Variants in AIG1 observed in about 807,000 individuals in gnomAD.
The protein encoded by AIG1 is androgen-induced gene 1 protein.
AIG1 carries 23 observed loss-of-function variants against 31.4 expected under a neutral mutation model. That is an observed-to-expected ratio of 0.73 (90% CI 0.53 to 1.04). The LOEUF is 1.04. Among genes scored for constraint, AIG1 ranks in the 50% least tolerant of loss-of-function variants. The pLI is 0.00. For synonymous variants in AIG1, 100 were observed against 110.5 expected (o/e 0.90, Z 0.60); for missense variants, 274 against 295.0 (o/e 0.93, Z 0.52).
chr6:143,153,802 C>T (rs1260248266), intron 2 of AIG1, among the ~76,000 whole-genome samples: 2 of 152,098 alleles, frequency 1.3e-5, no homozygotes, highest in African/African-American at 2.4e-5. Flanking sequence ...TGATTAACCA[C>T]ATTTACTCGC....
intron 3 of AIG1, among the ~76,000 whole-genome samples, chr6:143,247,735 C>T (rs975228954): frequency 1.3e-5 from 2 of 152,202 alleles, no homozygotes; most frequent in Admixed American, 6.5e-5. Flanking sequence ...CTTGCTGGTA[C>T]GTGAGAGAGC....
At chr6:143,180,272 C>T (rs534638943) in intron 3 of AIG1, among the ~76,000 whole-genome samples, 2 of 152,236 alleles carry the variant, frequency 1.3e-5, no homozygotes, top group South Asian at 4.1e-4. Flanking sequence ...TGTGAGGCTG[C>T]AGGATGAGAA....
At chr6:143,086,892 T>C (rs1434097892) in intron 1 of AIG1, among the ~76,000 whole-genome samples, 1 of 152,186 alleles carries the variant, frequency 6.6e-6, no homozygotes, top group East Asian at 1.9e-4. Context: ...TCAGCTGGCT[T>C]ATGCCGGGAG....
At chr6:143,283,595 T>G (rs1164702228) in intron 3 of AIG1, among the ~76,000 whole-genome samples, 1 of 152,262 alleles carries the variant, frequency 6.6e-6, no homozygotes, top group Non-Finnish European at 1.5e-5. Context: ...AAATAAATCT[T>G]AGTATATCCA....
At chr6:143,099,440 A>G (rs1226350089) in intron 1 of AIG1, 1 of 152,196 alleles carries the variant, frequency 6.6e-6, no homozygotes, top group Non-Finnish European at 1.5e-5. Flanking sequence ...AGTATGCATG[A>G]TATGTGCATA....
At chr6:143,219,067 A>G (rs1352704044) in intron 3 of AIG1, among the ~76,000 whole-genome samples, 1 of 152,248 alleles carries the variant, frequency 6.6e-6, no homozygotes, top group Non-Finnish European at 1.5e-5. Context: ...TTTCCAAAAT[A>G]GCAGAACTCA....
At chr6:143,261,486 G>A (rs1795778320) in intron 3 of AIG1, among the ~76,000 whole-genome samples, 1 of 152,164 alleles carries the variant, frequency 6.6e-6, no homozygotes, top group Non-Finnish European at 1.5e-5. Context: ...TGAATTTGGG[G>A]GAGGTGTGTG....
chr6:143,177,402 G>A (rs142064348), intron 3 of AIG1, among the ~76,000 whole-genome samples: 20 of 152,240 alleles, frequency 1.3e-4, no homozygotes, highest in Admixed American at 5.9e-4. Context: ...ATATCCATGC[G>A]TCTGGTGACA....
chr6:143,119,074 A>G (rs1782008881), intron 1 of AIG1, among the ~76,000 whole-genome samples: 1 of 151,994 alleles, frequency 6.6e-6, no homozygotes, highest in Non-Finnish European at 1.5e-5. Flanking sequence ...GAATTTCATC[A>G]TGTTGCCCAG....
intron 1 of AIG1, among the ~76,000 whole-genome samples, chr6:143,126,939 G>C (rs1782734129): frequency 6.6e-6 from 1 of 152,034 alleles, no homozygotes; most frequent in African/African-American, 2.4e-5. Flanking sequence ...TACCTATATA[G>C]TTGGTACTAT....
At chr6:143,104,246 A>G (rs959978581) in intron 1 of AIG1, among the ~76,000 whole-genome samples, 5 of 152,232 alleles carry the variant, frequency 3.3e-5, no homozygotes, top group Non-Finnish European at 7.3e-5. Context: ...TTAAAAATAG[A>G]AACATTGAAA....
chr6:143,193,982 A>G (rs1211286437), intron 3 of AIG1, among the ~76,000 whole-genome samples: 2 of 152,224 alleles, frequency 1.3e-5, no homozygotes, highest in Non-Finnish European at 2.9e-5. Flanking sequence ...TTCAGTATAG[A>G]TGAGAGATAC....
In AIG1 at chr6:143,330,431, C is replaced by T. The variant is rs78023901; in HGVS notation, c.516-2851C>T. Among the ~76,000 whole-genome samples the T allele has an allele frequency of 0.072, 10,904 of 152,066 alleles. 762 individuals are homozygous for T. The highest frequency in any genetic ancestry group is 0.23 in the Admixed American group (3,550 of 15,260). Reference sequence around the variant, plus strand: ...TGTGGGGGTGGTGAGGAGTATTGTTCTGGGCAGGGGAATAATACAAAAGCC... The same window carrying T: ...TGTGGGGGTGGTGAGGAGTATTGTTTTGGGCAGGGGAATAATACAAAAGCC... On this transcript the variant is annotated intron_variant, in intron 4 of 5. Transcript: ENST00000357847. This position sits in a 1 kb window ranked among gnomAD's most constrained non-coding sequence, Gnocchi z 4.4.
At chr6:143,090,450 C>G (rs1779201665) in intron 1 of AIG1, among the ~76,000 whole-genome samples, 1 of 152,024 alleles carries the variant, frequency 6.6e-6, no homozygotes, top group South Asian at 2.1e-4. Flanking sequence ...GAACATAGTC[C>G]CACAGAAGCC....
rs1777261470 is a variant in AIG1, at chr6:143,333,662, C to T, written c.679+217C>T. 6.6e-6 allele frequency among the ~76,000 whole-genome samples: 1 copy of T among 152,012 alleles called. No homozygotes were observed. Among genetic ancestry groups the T allele is most frequent in the Admixed American group, 6.6e-5 (1 of 15,260 alleles). The stretch of plus-strand genomic sequence containing the variant: ...ACTTGGTCTTGTTAGCTAGTAAAAC[C>T]TCCAAATCTAAAGAGGAAAGAGGCA... On this transcript the variant is annotated intron_variant, in intron 5 of 5. Transcript: ENST00000357847. The surrounding 1 kb of genome is among the most constrained non-coding windows in gnomAD (Gnocchi z 4.6).
chr6:143,271,863 T>C lies in AIG1; in HGVS notation c.400-12247T>C, dbSNP rs529329600. Among the ~76,000 whole-genome samples, 8 of 91,498 alleles carry C rather than the reference T, an allele frequency of 8.7e-5. No homozygotes were observed. The East Asian group carries it at 7.2e-3, about 83-fold the overall frequency. The allele number at this position is 91,498 out of a possible 152,430, so 60.0% of individuals were successfully genotyped here. A position where few individuals can be genotyped will look rare whatever the true frequency, so the allele number is the denominator to read the frequency against. On this transcript the variant is annotated intron_variant, in intron 3 of 5. Transcript: ENST00000357847. ...TCTTTCAGTTTGCTTATAAATTGCA[T>C]TCAGAACTTATTTCTTATTCCTCTT... is the stretch of plus-strand genomic sequence containing the variant.
At chr6:143,217,108 A>G (rs1309016352) in intron 3 of AIG1, among the ~76,000 whole-genome samples, 1 of 152,200 alleles carries the variant, frequency 6.6e-6, no homozygotes, top group East Asian at 1.9e-4. Context: ...TTTATTTCTA[A>G]CATAGAATAG....
intron 3 of AIG1, among the ~76,000 whole-genome samples, chr6:143,166,637 A>G (rs1007511066): frequency 6.6e-6 from 1 of 152,232 alleles, no homozygotes; most frequent in Admixed American, 6.5e-5. Context: ...GTTGTCTGGC[A>G]TACAGTAGGA....
At chr6:143,082,758 G>A (rs1248283231) in intron 1 of AIG1, among the ~76,000 whole-genome samples, 1 of 152,176 alleles carries the variant, frequency 6.6e-6, no homozygotes, top group African/African-American at 2.4e-5. Context: ...GCCACGGGTT[G>A]CAAGCTGGTC....
Sources: allele counts gnomAD v4.1 joint callset (sites outside exome capture counted in the v4.1 genomes callset), GRCh38; gene constraint gnomAD v4.1.1; non-coding constraint Gnocchi (gnomAD v3.1); transcripts MANE v1.5; gene names NCBI Gene and HGNC (gene_info 2026-07-23, HGNC 2026-07-21).